The following COG2 variants were observed in gnomAD, a reference collection of about 807,000 sequenced individuals.
COG2 encodes the protein conserved oligomeric Golgi complex subunit 2.
A neutral mutation model predicts 90.6 loss-of-function variants in COG2; 52 were observed. The ratio of observed to expected loss-of-function variants is 0.57; its 90% confidence interval spans 0.46 to 0.72. COG2 has a LOEUF of 0.72. COG2 is among the 30% of genes least tolerant of loss of function. COG2 has a pLI of 0.00. For synonymous variants in COG2, 337 were observed against 320.4 expected, an observed-to-expected ratio of 1.05 and a Z score of -0.55; for missense variants, 829 against 891.2, an observed-to-expected ratio of 0.93 and a Z score of 0.89.
intron 1 of COG2, among the ~76,000 whole-genome samples, chr1:230,655,109 C>T (rs961486481): frequency 6.6e-6 from 1 of 152,146 alleles, no homozygotes; most frequent in Non-Finnish European, 1.5e-5. Context: ...GCCTGATTGC[C>T]TTGGCCAGAA....
intron 16 of COG2, 107 bp from the exon 17 acceptor site, chr1:230,691,277 G>A (rs755889586): frequency 3.0e-5 from 30 of 1,011,580 alleles, no homozygotes; most frequent in Non-Finnish European, 3.9e-5. Context: ...CGTTGGAAGT[G>A]AATTTTTATC....
Position 230,693,650 on chromosome 1 carries a change from G to A in COG2, c.*257G>A. On this transcript the variant is annotated 3_prime_UTR_variant, in exon 18 of 18. Coordinates refer to ENST00000366669, the MANE Select transcript of COG2 (RefSeq NM_007357.3). ...TTGAAACTTTCTACTATAGTTTACA[G>A]AACAAATTATTTTATTTTTATTGTA... 3.3e-6 allele frequency: 1 copy of A among 303,724 alleles called. No individual in the cohort carries two copies. The highest frequency in any genetic ancestry group is 6.0e-6 in the Non-Finnish European group (1 of 167,538). The allele number at this position is 303,724 out of a possible 1,614,324, so 18.8% of individuals were successfully genotyped here. A position where few individuals can be genotyped will look rare whatever the true frequency, so the allele number is the denominator to read the frequency against.
Position 230,690,133 on chromosome 1 carries a change from T to G in COG2, c.1914T>G (p.Thr638=). 1.2e-6 allele frequency: 2 copies of G among 1,613,464 alleles called. No individual in the cohort carries two copies. Among genetic ancestry groups the G allele is most frequent in the East Asian group, 4.5e-5 (2 of 44,850 alleles). ...TAATTCAGCAGTGGCTAGAAGGCAC[T>G]CTCAGTGAAAGCACTCATAAGTAAG... ...QAIIQQWLEG[T]LSESTHKYYE... Residue 638 remains threonine, a synonymous_variant, in exon 16 of 18, where the codon ACT becomes ACG. Coordinates refer to ENST00000366669, the MANE Select transcript of COG2 (RefSeq NM_007357.3).
chr1:230,642,667 G>A lies in COG2; in HGVS notation c.61G>A (p.Glu21Lys). 2 of 1,612,960 alleles carry A rather than the reference G, an allele frequency of 1.2e-6. No individual in the cohort carries two copies. The highest frequency in any genetic ancestry group is 1.1e-5 in the South Asian group (1 of 90,738). ...GPDTLCFDKD[E>K]FMKEDFDVDH... Reference sequence around the variant, plus strand: ...GGACACGCTCTGCTTCGACAAGGACGAGTTCATGAAGGTGCGCGCGGCGTC... The same window carrying A: ...GGACACGCTCTGCTTCGACAAGGACAAGTTCATGAAGGTGCGCGCGGCGTC... Residue 21 changes from glutamate to lysine, a missense_variant, in exon 1 of 18, where the codon GAG becomes AAG. By Grantham distance (56) the Glu-to-Lys change is moderately conservative. Transcript: ENST00000366669.
chr1:230,656,726 G>A (rs184693146), intron 1 of COG2, among the ~76,000 whole-genome samples: 3 of 152,246 alleles, frequency 2.0e-5, no homozygotes, highest in Admixed American at 2.0e-4. Flanking sequence ...CTCTTTGTAG[G>A]TCTCTAAGAA....
At chr1:230,689,196 T>C (rs989811364) in intron 15 of COG2, among the ~76,000 whole-genome samples, 1 of 150,918 alleles carries the variant, frequency 6.6e-6, no homozygotes, top group African/African-American at 2.4e-5. Flanking sequence ...TTAAAAAAAA[T>C]ATAAATTTTA....
chr1:230,666,683 G>A (rs1662329800), intron 5 of COG2, among the ~76,000 whole-genome samples: 1 of 152,018 alleles, frequency 6.6e-6, no homozygotes, highest in Non-Finnish European at 1.5e-5. Context: ...ATTTTACTAT[G>A]TATGGCCATT....
At chr1:230,653,914 G>A (rs1194357057) in intron 1 of COG2, among the ~76,000 whole-genome samples, 1 of 151,514 alleles carries the variant, frequency 6.6e-6, no homozygotes, top group Non-Finnish European at 1.5e-5. Flanking sequence ...ACATTCATGA[G>A]GACAAAGCCC....
intron 5 of COG2, among the ~76,000 whole-genome samples, chr1:230,665,328 G>T (rs983541738): frequency 1.3e-5 from 2 of 152,176 alleles, no homozygotes; most frequent in African/African-American, 4.8e-5. Flanking sequence ...GGTAGCCATA[G>T]ACTAGACCCT....
In COG2 at chr1:230,675,066, G is replaced by A; in HGVS notation, c.968G>A (p.Gly323Glu). The A allele has an allele frequency of 6.2e-7, 1 of 1,613,012 alleles. No individual in the cohort carries two copies. Among genetic ancestry groups the A allele is most frequent in the Non-Finnish European group, 8.5e-7 (1 of 1,179,500 alleles). Residue 323 changes from glycine (G) to glutamate (E), a missense_variant, in exon 9 of 18, where the codon GGA (glycine) becomes GAA (glutamate). Transcript: ENST00000366669. ...VNSVWPQIVQ[G>E]LEEKLPSLFN... ...TCTGTTTGGCCACAAATAGTACAAG[G>A]ATTAGAAGAAAAGTTACCCTCGCTT...
intron 1 of COG2, among the ~76,000 whole-genome samples, chr1:230,649,097 G>C (rs1032724087): frequency 6.6e-6 from 1 of 152,180 alleles, no homozygotes; most frequent in African/African-American, 2.4e-5. Context: ...ACATAAAATT[G>C]ATTAATCCAT....
intron 1 of COG2, among the ~76,000 whole-genome samples, chr1:230,657,857 C>T (rs747807140): frequency 4.0e-5 from 6 of 151,828 alleles, no homozygotes; most frequent in Non-Finnish European, 5.9e-5. Flanking sequence ...TTGATTGATT[C>T]GGCTATTGAT....
chr1:230,693,017 A>T (rs1302372002), intron 17 of COG2, among the ~76,000 whole-genome samples: 1 of 151,814 alleles, frequency 6.6e-6, no homozygotes, highest in African/African-American at 2.4e-5. Flanking sequence ...CTTTTCTAGA[A>T]TGTTTTTAGG....
At chr1:230,675,180 A>T in intron 9 of COG2, 56 bp downstream of exon 9, 1 of 1,568,974 alleles carries the variant, frequency 6.4e-7, no homozygotes, top group Non-Finnish European at 8.6e-7. Context: ...GACTGGAGAA[A>T]TATCATGTTC....
intron 1 of COG2, among the ~76,000 whole-genome samples, chr1:230,647,293 T>C (rs1197416460): frequency 6.6e-6 from 1 of 152,056 alleles, no homozygotes; most frequent in Non-Finnish European, 1.5e-5. Flanking sequence ...TGACTGGGGG[T>C]CTTGGAATAT....
chr1:230,655,307 AG>A (rs1214806773), intron 1 of COG2, among the ~76,000 whole-genome samples: 26 of 152,292 alleles, frequency 1.7e-4, no homozygotes, highest in African/African-American at 5.3e-4. Context: ...TTTAGCATGA[AG>A]GGGTGTTGAA....
At chr1:230,677,913 A>G in intron 9 of COG2, 1 of 518,850 alleles carries the variant, frequency 1.9e-6, no homozygotes, top group African/African-American at 2.1e-5. Context: ...TTTTGTCCCA[A>G]AAGGGAAGAA....
intron 1 of COG2, among the ~76,000 whole-genome samples, chr1:230,653,485 C>T (rs377663687): frequency 2.5e-4 from 11 of 44,084 alleles, no homozygotes; most frequent in South Asian, 2.1e-3. Context: ...CCTCTCAAAG[C>T]GCTGGCATTA....
chr1:230,686,975 T>A lies in COG2; in HGVS notation c.1421T>A (p.Ile474Asn). 2 of 1,598,680 alleles carry A rather than the reference T, an allele frequency of 1.3e-6. No individual in the cohort carries two copies. The highest frequency in any genetic ancestry group is 1.7e-6 in the Non-Finnish European group (2 of 1,170,304). ...ATTTCTAATGAAAGTCCCAAGGAGA[T>A]CAAGAAACCTTTGGTAACTGGTAGC... ...RPISNESPKEIKKPLVTGSKE... is the reference protein window; with the variant it reads ...RPISNESPKENKKPLVTGSKE... The change falls in exon 13 of 18, where the codon ATC (isoleucine) becomes AAC (asparagine). Residue 474 changes from isoleucine (I) to asparagine (N), a missense_variant. By Grantham distance (149) the Ile-to-Asn change is moderately radical (BLOSUM62 -3). Transcript: ENST00000366669.
Sources: gnomAD v4.1 joint callset for allele counts (sites outside exome capture counted in the v4.1 genomes callset) on GRCh38, gnomAD v4.1.1 for gene constraint, MANE v1.5 for transcripts, NCBI Gene and HGNC (gene_info 2026-07-23, HGNC 2026-07-21) for gene names.